The following SCN3A variants were observed in gnomAD, a reference collection of about 807,000 sequenced individuals.
The protein encoded by SCN3A is sodium voltage-gated channel alpha subunit 3.
In SCN3A, 60 loss-of-function variants were observed where a neutral mutation model predicts 187.6. That is an observed-to-expected ratio of 0.32 (90% CI 0.26 to 0.40). The LOEUF (loss-of-function observed/expected upper bound fraction) is 0.40. Ranked by LOEUF, SCN3A falls within the 10% of genes least tolerant of loss-of-function variation. SCN3A has a pLI of 1.00. For synonymous variants in SCN3A, 788 were observed against 829.2 expected (o/e 0.95, Z 0.85); for missense variants, 1,601 against 2,428.2 (o/e 0.66, Z 7.16).
At chr2:165,107,055 A>G (rs997527551) in intron 21 of SCN3A, among the ~76,000 whole-genome samples, 2 of 152,216 alleles carry the variant, frequency 1.3e-5, no homozygotes, top group Non-Finnish European at 2.9e-5. Flanking sequence ...AAACATTACC[A>G]TCAGACTAAG....
Position 165,164,497 on chromosome 2 carries a change from G to T in SCN3A, c.497C>A (p.Thr166Asn). Residue 166 changes from threonine (T) to asparagine (N), a missense_variant, in exon 6 of 28, where the codon ACC (threonine) becomes AAC (asparagine). Around this residue, in one of 11 missense-constraint regions of SCN3A, gnomAD observed 122 missense variants for 225.1 expected, o/e 0.54. Coordinates refer to ENST00000283254, the MANE Select transcript of SCN3A (RefSeq NM_006922.4). ...NVEYTFTGIY[T>N]FESLIKILAR... ...CAAGATTTTTATAAGTGACTCAAAG[G>T]TATAGATTCCAGTGAATGTGTACCT... is the stretch of plus-strand genomic sequence containing the variant. 6.2e-7 allele frequency: 1 copy of T among 1,613,708 alleles called. No individual in the cohort carries two copies. The highest frequency in any genetic ancestry group is 8.5e-7 in the Non-Finnish European group (1 of 1,179,774).
chr2:165,100,613 A>G (rs542806353), intron 21 of SCN3A, among the ~76,000 whole-genome samples, 189 bp from the exon 22 acceptor site: 3 of 152,200 alleles, frequency 2.0e-5, no homozygotes, highest in South Asian at 2.1e-4. Flanking sequence ...TTTTTAACCA[A>G]TGAAACCAGA....
intron 1 of SCN3A, among the ~76,000 whole-genome samples, chr2:165,189,533 T>C (rs1559278746): frequency 6.6e-6 from 1 of 152,212 alleles, no homozygotes; most frequent in Non-Finnish European, 1.5e-5. Flanking sequence ...AACAGCATGA[T>C]AGAAATTTTA....
intron 2 of SCN3A, among the ~76,000 whole-genome samples, chr2:165,180,589 C>T (rs1690784045): frequency 6.6e-6 from 1 of 151,678 alleles, no homozygotes; most frequent in Non-Finnish European, 1.5e-5. Flanking sequence ...GTGGGGGTGG[C>T]ATGTGTGCAG....
intron 18 of SCN3A, among the ~76,000 whole-genome samples, chr2:165,118,335 A>C (rs755732329): frequency 2.0e-5 from 3 of 152,186 alleles, no homozygotes; most frequent in Admixed American, 6.5e-5. Flanking sequence ...GAATTGCTTT[A>C]CAGTTATTAC....
In SCN3A at chr2:165,170,565, G is replaced by A. The variant is rs188275817; in HGVS notation, c.265-17C>T. ...TATAAAAGTCTGAAAAAGAAAATACGAGTAAAATTACTAAATTAGACATGG... is the reference window on the plus strand; with the variant it reads ...TATAAAAGTCTGAAAAAGAAAATACAAGTAAAATTACTAAATTAGACATGG... On this transcript the variant is annotated splice_polypyrimidine_tract_variant and intron_variant, in intron 3 of 27. Coordinates refer to ENST00000283254, the MANE Select transcript of SCN3A (RefSeq NM_006922.4). 462 of 1,426,376 alleles carry A rather than the reference G, an allele frequency of 3.2e-4. No homozygotes were observed. The African/African-American group carries it at 5.5e-3, about 17-fold the overall frequency. The allele number at this position is 1,426,376 out of a possible 1,614,324, so 88.4% of individuals were successfully genotyped here. A position where few individuals can be genotyped will look rare whatever the true frequency, so the allele number is the denominator to read the frequency against.
intron 6 of SCN3A, 113 bp downstream of exon 6, chr2:165,164,279 T>C: frequency 1.5e-6 from 2 of 1,323,770 alleles, no homozygotes; most frequent in Non-Finnish European, 2.2e-6. Flanking sequence ...ACAATCCATA[T>C]AGTTAACTTG....
At chr2:165,113,239 G>T (rs1051665117) in intron 20 of SCN3A, among the ~76,000 whole-genome samples, 181 bp from the exon 21 acceptor site, 1 of 152,078 alleles carries the variant, frequency 6.6e-6, no homozygotes, top group African/African-American at 2.4e-5. Context: ...GCAGGGAAAC[G>T]TCATGCCTTT....
At chr2:165,125,991 ATCTT>A (rs2105754948) in intron 18 of SCN3A, among the ~76,000 whole-genome samples, 1 of 152,310 alleles carries the variant, frequency 6.6e-6, no homozygotes, top group East Asian at 1.9e-4. Context: ...TTATTATACT[ATCTT>A]TCAGCAACTC....
chr2:165,175,755 ATAAT>A (rs1463515115), intron 3 of SCN3A, among the ~76,000 whole-genome samples: 2 of 152,188 alleles, frequency 1.3e-5, no homozygotes, highest in Non-Finnish European at 2.9e-5. Flanking sequence ...GAACTAAAAA[ATAAT>A]TAAGTACAAC....
intron 12 of SCN3A, among the ~76,000 whole-genome samples, chr2:165,146,382 ATGTGTGTGTGTGTG>A (rs5836018): frequency 1.9e-5 from 2 of 107,848 alleles, no homozygotes; most frequent in African/African-American, 3.2e-5. Flanking sequence ...ATATATATAT[ATGTGTGTGTGTGTG>A]TGTGTGTGTG....
Position 165,176,149 on chromosome 2 carries a change from G to A in SCN3A, c.246C>T (p.Pro82=). The A allele has an allele frequency of 6.2e-7, 1 of 1,613,504 alleles. No individual in the cohort carries two copies. The highest frequency in any genetic ancestry group is 8.5e-7 in the Non-Finnish European group (1 of 1,179,560). The change falls in exon 3 of 28, where the codon CCC becomes CCT. Residue 82 remains proline, a synonymous_variant. Transcript: ENST00000283254. ...MVSEPLEDLD[P]YYINKKTFIV... is the part of the protein sequence containing the mutation. ...TACTCACTTTCTTATTGATATAGTAGGGATCCAGGTCCTCCAGGGGCTCTG... is the reference window on the plus strand; with the variant it reads ...TACTCACTTTCTTATTGATATAGTAAGGATCCAGGTCCTCCAGGGGCTCTG...
chr2:165,136,666 G>C (rs923762109), intron 15 of SCN3A, among the ~76,000 whole-genome samples: 1 of 152,160 alleles, frequency 6.6e-6, no homozygotes, highest in African/African-American at 2.4e-5. Flanking sequence ...CAGCCTTTTT[G>C]GGTAGTTATC....
At chr2:165,199,277 C>T (rs774536114) in intron 1 of SCN3A, among the ~76,000 whole-genome samples, 2 of 151,866 alleles carry the variant, frequency 1.3e-5, no homozygotes, top group Non-Finnish European at 2.9e-5. Context: ...TGCTCCAGCA[C>T]AGAGTTTAAT....
At chr2:165,198,281 G>T (rs563796963) in intron 1 of SCN3A, among the ~76,000 whole-genome samples, 1 of 151,990 alleles carries the variant, frequency 6.6e-6, no homozygotes, top group African/African-American at 2.4e-5. Context: ...TAGATTCAAG[G>T]ATTTGAAATG....
At chr2:165,139,772 A>ATTT (rs1687890341) in intron 13 of SCN3A, 164 bp from the exon 14 acceptor site, 6 of 771,498 alleles carry the variant, frequency 7.8e-6, no homozygotes, top group South Asian at 1.8e-5. Flanking sequence ...TTTTTTTTTA[A>ATTT]AAAAAAGTTA....
rs146082864 is a variant in SCN3A, at chr2:165,131,459, A to G, written c.2392-42T>C. On this transcript the variant is annotated intron_variant, in intron 15 of 27. Transcript: ENST00000283254. ...AGCACTACTTCAAGAGCACTGAAAA[A>G]CACTGATGCTACACGAATTTATAAA... The G allele has an allele frequency of 3.3e-3, 4,677 of 1,410,942 alleles. 58 individuals carry two copies. In the African/African-American group the frequency reaches 0.034, roughly 10 times the overall value. 87.4% of individuals were successfully genotyped at this position (1,410,942 alleles called of 1,614,324 possible).
At chr2:165,145,549 TCTA>T (rs1688265589) in intron 12 of SCN3A, among the ~76,000 whole-genome samples, 2 of 152,132 alleles carry the variant, frequency 1.3e-5, no homozygotes, top group African/African-American at 4.8e-5. Flanking sequence ...ATTAATATAG[TCTA>T]CTTTTTTCTT....
At chr2:165,184,498 A>G (rs901276551) in intron 2 of SCN3A, among the ~76,000 whole-genome samples, 1 of 93,988 alleles carries the variant, frequency 1.1e-5, no homozygotes, top group Non-Finnish European at 1.9e-5. Context: ...AAAAAAAAAA[A>G]AGAAAAAAAA....
Sources: allele counts gnomAD v4.1 joint callset (sites outside exome capture counted in the v4.1 genomes callset), GRCh38; gene constraint gnomAD v4.1.1; regional missense constraint gnomAD v4.1.1; transcripts MANE v1.5; gene names NCBI Gene and HGNC (gene_info 2026-07-23, HGNC 2026-07-21).